TRPC7: variants seen among roughly 807,000 people sequenced by gnomAD.
TRPC7 encodes the protein transient receptor potential cation channel subfamily C member 7.
A neutral mutation model predicts 90.1 loss-of-function variants in TRPC7; 42 were observed. That is an observed-to-expected ratio of 0.47 (90% CI 0.36 to 0.60). TRPC7 has a LOEUF of 0.60. Among genes scored for constraint, TRPC7 ranks in the 20% least tolerant of loss-of-function variants. The pLI is 0.00. For missense variants in TRPC7, 955 were observed against 1,112.3 expected (o/e 0.86, Z 2.01); for synonymous variants, 451 against 436.3 (o/e 1.03, Z -0.42).
chr5:136,240,920 G>T (rs1418443256), intron 7 of TRPC7, among the ~76,000 whole-genome samples: 2 of 152,084 alleles, frequency 1.3e-5, no homozygotes, highest in East Asian at 3.9e-4. Context: ...AACTCCAAAA[G>T]GATCATCTGA....
chr5:136,325,312 T>C (rs946001563), intron 2 of TRPC7, among the ~76,000 whole-genome samples: 1 of 152,190 alleles, frequency 6.6e-6, no homozygotes, highest in Non-Finnish European at 1.5e-5. Context: ...ATTGTGCCAC[T>C]GATATCGACA....
chr5:136,331,069 G>A (rs1030036839), intron 2 of TRPC7, among the ~76,000 whole-genome samples: 4 of 152,168 alleles, frequency 2.6e-5, no homozygotes, highest in African/African-American at 9.7e-5. Flanking sequence ...GTGGGATGAG[G>A]CTGCATTGCT....
intron 3 of TRPC7, among the ~76,000 whole-genome samples, chr5:136,293,513 C>A (rs914652485): frequency 6.6e-6 from 1 of 152,078 alleles, no homozygotes. Context: ...AACAGAGAGC[C>A]AAATCATGAG....
At chr5:136,262,849 C>T (rs760982320) in intron 5 of TRPC7, among the ~76,000 whole-genome samples, 2 of 152,092 alleles carry the variant, frequency 1.3e-5, no homozygotes, top group Non-Finnish European at 2.9e-5. Context: ...CTGTAGTGCA[C>T]GGAGAGGGAT....
At chr5:136,297,863 T>C (rs557824953) in intron 3 of TRPC7, among the ~76,000 whole-genome samples, 131 of 152,346 alleles carry the variant, frequency 8.6e-4, no homozygotes, top group Non-Finnish European at 1.4e-3. Flanking sequence ...AAGAGAGCTC[T>C]GTGAGTTTCC....
chr5:136,215,872 G>A (rs1028163078), intron 11 of TRPC7, among the ~76,000 whole-genome samples: 2 of 151,422 alleles, frequency 1.3e-5, no homozygotes, highest in Non-Finnish European at 2.9e-5. Flanking sequence ...AGTGGGGTCA[G>A]AGATGGGACA....
chr5:136,265,409 T>C (rs572717456), intron 5 of TRPC7, among the ~76,000 whole-genome samples: 1 of 152,350 alleles, frequency 6.6e-6, no homozygotes, highest in Admixed American at 6.5e-5. Context: ...ATAAGGTTTA[T>C]AAACAGAGTC....
At chr5:136,299,740 G>C (rs1487775692) in intron 3 of TRPC7, among the ~76,000 whole-genome samples, 1 of 152,152 alleles carries the variant, frequency 6.6e-6, no homozygotes, top group Non-Finnish European at 1.5e-5. Flanking sequence ...AGATCCTTGG[G>C]GAAGATTGTA....
chr5:136,299,361 G>GTC (rs1311221238), intron 3 of TRPC7, among the ~76,000 whole-genome samples: 1 of 151,160 alleles, frequency 6.6e-6, no homozygotes, highest in Non-Finnish European at 1.5e-5. Flanking sequence ...GTGTGTGTGT[G>GTC]TGTGTGTGTG....
Position 136,274,814 on chromosome 5 carries a change from C to T in TRPC7, c.987G>A (p.Gln329=), listed in dbSNP as rs374725555. Residue 329 remains glutamine, a synonymous_variant, in exon 4 of 12, where the codon CAG becomes CAA. Transcript: ENST00000513104. ...CATACCACATGGTAAGCAATTGCTG[C>T]TGACAGTTAGGATGAGCAACGAACT... ...VKKFVAHPNC[Q]QQLLTMWYEN... The T allele has an allele frequency of 1.3e-6, 2 of 1,576,998 alleles. No homozygotes were observed. The highest frequency in any genetic ancestry group is 1.4e-5 in the African/African-American group (1 of 73,998).
At chr5:136,331,377 G>C (rs933079232) in intron 2 of TRPC7, among the ~76,000 whole-genome samples, 1 of 152,090 alleles carries the variant, frequency 6.6e-6, no homozygotes, top group Non-Finnish European at 1.5e-5. Context: ...GCTGAGCTCT[G>C]TGCCAGGGCC....
chr5:136,331,324 T>C (rs1041471228), intron 2 of TRPC7, among the ~76,000 whole-genome samples: 1 of 152,134 alleles, frequency 6.6e-6, no homozygotes, highest in African/African-American at 2.4e-5. Context: ...ATACATTCAT[T>C]TACTCATTTA....
intron 2 of TRPC7, among the ~76,000 whole-genome samples, chr5:136,343,132 G>T (rs1162971357): frequency 1.3e-5 from 2 of 152,048 alleles, no homozygotes; most frequent in Non-Finnish European, 2.9e-5. Context: ...GAATGGTAAA[G>T]CTAATGAAAG....
chr5:136,305,128 AC>A (rs1206267171), intron 3 of TRPC7, among the ~76,000 whole-genome samples: 1 of 152,090 alleles, frequency 6.6e-6, no homozygotes, highest in East Asian at 1.9e-4. Flanking sequence ...GTTAAGTCCC[AC>A]AATTACCATT....
At position 136,269,655 on chromosome 5, in the gene TRPC7, G is replaced by A. The variant is rs117007429; in HGVS notation, c.1129-3219C>T. Reference sequence around the variant, plus strand: ...GCCTGGTTTACAAGTTAGAAACTGAGTGAAAGTAAACTTGGATTAATCATT... The same window carrying A: ...GCCTGGTTTACAAGTTAGAAACTGAATGAAAGTAAACTTGGATTAATCATT... On this transcript the variant is annotated intron_variant, in intron 4 of 11. Coordinates refer to ENST00000513104, the MANE Select transcript of TRPC7 (RefSeq NM_020389.3). Among the ~76,000 whole-genome samples, 8 of 152,324 alleles carry A rather than the reference G, an allele frequency of 5.3e-5. No individual in the cohort carries two copies. In the East Asian group the frequency reaches 1.5e-3, roughly 29 times the overall value.
chr5:136,251,209 A>G (rs1031860968), intron 6 of TRPC7, among the ~76,000 whole-genome samples: 4 of 152,212 alleles, frequency 2.6e-5, no homozygotes, highest in Non-Finnish European at 5.9e-5. Flanking sequence ...TCTTGCCACC[A>G]AGCAATAACT....
Position 136,350,039 on chromosome 5 carries a change from A to G in TRPC7, c.780+6569T>C, listed in dbSNP as rs1418636773. On this transcript the variant is annotated intron_variant, in intron 2 of 11. Transcript: ENST00000513104. ...CACAGGTTTATAGCCTAGGAGCAAG[A>G]GGCTATCCCATATAGCCCAGGTGTG... 2.6e-5 allele frequency among the ~76,000 whole-genome samples: 4 copies of G among 152,188 alleles called. No homozygotes were observed. The South Asian group carries it at 6.2e-4, about 24-fold the overall frequency.
chr5:136,294,264 G>T lies in TRPC7; in HGVS notation c.964-19427C>A, dbSNP rs1358319299. On this transcript the variant is annotated intron_variant, in intron 3 of 11. Transcript: ENST00000513104. ...TTCATGTCTAAAACAAAAAGCAACG[G>T]CAACAAAAGCCAAAACTGACAAATA... Among the ~76,000 whole-genome samples the T allele has an allele frequency of 3.3e-5, 5 of 152,102 alleles. No individual in the cohort carries two copies. The South Asian group carries it at 1.0e-3, about 32-fold the overall frequency.
chr5:136,213,700 G>A (rs1755166688), intron 11 of TRPC7, 96 bp from the exon 12 acceptor site: 1 of 1,404,446 alleles, frequency 7.1e-7, no homozygotes, highest in Admixed American at 1.9e-5. Context: ...CCAGTGGAAT[G>A]TCGGGTCCTG....
Sources: gnomAD v4.1 joint callset for allele counts (sites outside exome capture counted in the v4.1 genomes callset) on GRCh38, gnomAD v4.1.1 for gene constraint, MANE v1.5 for transcripts, NCBI Gene and HGNC (gene_info 2026-07-23, HGNC 2026-07-21) for gene names.